The following UNC5D variants were observed in gnomAD, a reference collection of about 807,000 sequenced individuals.
The protein encoded by UNC5D is unc-5 netrin receptor D, also known as netrin receptor UNC5D.
UNC5D carries 39 observed loss-of-function variants against 105.4 expected under a neutral mutation model. The observed-to-expected ratio is 0.37, with a 90% confidence interval of 0.29 to 0.48. The LOEUF (loss-of-function observed/expected upper bound fraction) is 0.48. Among genes scored for constraint, UNC5D ranks in the 20% least tolerant of loss-of-function variants. The pLI, the probability that UNC5D is intolerant of heterozygous loss-of-function variation, is 0.98. For synonymous variants in UNC5D, 452 were observed against 450.4 expected (o/e 1.00, Z -0.04); for missense variants, 991 against 1,202.4 (o/e 0.82, Z 2.60).
chr8:35,632,991 C>T (rs376394849), intron 4 of UNC5D, among the ~76,000 whole-genome samples: 144 of 152,328 alleles, frequency 9.5e-4, no homozygotes, highest in African/African-American at 3.1e-3. Flanking sequence ...CTCCCTCCTA[C>T]AGAAGAGAAG....
chr8:35,704,180 T>G (rs528865583), intron 7 of UNC5D, among the ~76,000 whole-genome samples: 1 of 152,316 alleles, frequency 6.6e-6, no homozygotes, highest in African/African-American at 2.4e-5. Context: ...TACTTTGCCT[T>G]TCTATTTTAA....
intron 1 of UNC5D, among the ~76,000 whole-genome samples, chr8:35,343,487 G>C (rs896963189): frequency 2.0e-5 from 3 of 151,952 alleles, no homozygotes; most frequent in Non-Finnish European, 4.4e-5. Flanking sequence ...ATTGTTTATA[G>C]CTTATCTTTT....
intron 4 of UNC5D, among the ~76,000 whole-genome samples, chr8:35,631,510 A>G (rs564882769): frequency 6.6e-6 from 1 of 152,150 alleles, no homozygotes; most frequent in Non-Finnish European, 1.5e-5. Context: ...TGTTGACCCA[A>G]TTCTCTCAAA....
intron 1 of UNC5D, among the ~76,000 whole-genome samples, chr8:35,450,785 A>G (rs550075017): frequency 2.0e-4 from 31 of 152,242 alleles, no homozygotes; most frequent in African/African-American, 7.2e-4. Context: ...CCATACACCT[A>G]TTCTGTTTCT....
intron 1 of UNC5D, among the ~76,000 whole-genome samples, chr8:35,510,984 C>G (rs1340556083): frequency 6.6e-6 from 1 of 152,122 alleles, no homozygotes; most frequent in Non-Finnish European, 1.5e-5. Flanking sequence ...CATTAATTGG[C>G]CTCCAACTAA....
At chr8:35,717,846 A>G (rs1828342198) in intron 8 of UNC5D, among the ~76,000 whole-genome samples, 1 of 152,208 alleles carries the variant, frequency 6.6e-6, no homozygotes, top group Non-Finnish European at 1.5e-5. Context: ...TTCTCTCCTT[A>G]TAACAACATT....
intron 1 of UNC5D, among the ~76,000 whole-genome samples, chr8:35,352,756 G>A (rs1201367496): frequency 4.6e-5 from 7 of 152,046 alleles, no homozygotes; most frequent in African/African-American, 1.4e-4. Flanking sequence ...GGGACTACAG[G>A]TGCATGCCAC....
chr8:35,258,434 G>C (rs1298602680), intron 1 of UNC5D, among the ~76,000 whole-genome samples: 1 of 152,122 alleles, frequency 6.6e-6, no homozygotes, highest in South Asian at 2.1e-4. Context: ...CAGTGTGGGG[G>C]ATCAGACTAC....
At chr8:35,545,341 A>C (rs1815577080) in intron 1 of UNC5D, among the ~76,000 whole-genome samples, 2 of 152,160 alleles carry the variant, frequency 1.3e-5, no homozygotes, top group Admixed American at 1.3e-4. Context: ...CCTTTTACTG[A>C]AAGAATTGAC....
chr8:35,741,305 G>T (rs940078406), intron 11 of UNC5D, among the ~76,000 whole-genome samples: 20 of 152,128 alleles, frequency 1.3e-4, no homozygotes, highest in Non-Finnish European at 2.8e-4. Context: ...ACTCATTCCA[G>T]TGTGTATATA....
At chr8:35,785,285 A>G (rs964066801) in intron 16 of UNC5D, among the ~76,000 whole-genome samples, 1 of 152,238 alleles carries the variant, frequency 6.6e-6, no homozygotes, top group East Asian at 1.9e-4. Context: ...TCATAAAATC[A>G]TAATGCATTT....
intron 2 of UNC5D, among the ~76,000 whole-genome samples, chr8:35,564,161 T>TA (rs1189863228): frequency 2.0e-5 from 3 of 152,000 alleles, no homozygotes; most frequent in Non-Finnish European, 2.9e-5. Context: ...ATTTTTTTTT[T>TA]AATTTTTTGA....
intron 4 of UNC5D, among the ~76,000 whole-genome samples, chr8:35,633,592 A>G (rs1822179593): frequency 6.6e-6 from 1 of 152,096 alleles, no homozygotes; most frequent in Non-Finnish European, 1.5e-5. Flanking sequence ...TACAAAAAAA[A>G]AATTTTTTTT....
rs147417434 is a variant in UNC5D, at chr8:35,628,218, T to C, written c.570+32561T>C. Among the ~76,000 whole-genome samples the C allele has an allele frequency of 8.5e-3, 1,289 of 152,176 alleles. 17 individuals carry two copies. The highest frequency in any genetic ancestry group is 0.03 in the African/African-American group (1,235 of 41,508). On this transcript the variant is annotated intron_variant, in intron 4 of 16. Coordinates refer to ENST00000404895, the MANE Select transcript of UNC5D (RefSeq NM_080872.4). Reference sequence around the variant, plus strand: ...GCATGATGTCAGTTTACTGCAACCTTCACCTCCCAGGTCCGACTGATTCTC... The same window carrying C: ...GCATGATGTCAGTTTACTGCAACCTCCACCTCCCAGGTCCGACTGATTCTC...
At chr8:35,764,636 A>G (rs1294356811) in intron 14 of UNC5D, among the ~76,000 whole-genome samples, 2 of 152,326 alleles carry the variant, frequency 1.3e-5, no homozygotes, top group African/African-American at 4.8e-5. Flanking sequence ...AGGATCTACC[A>G]CAGGAAGAAA....
chr8:35,654,326 C>T (rs142034163), intron 4 of UNC5D, among the ~76,000 whole-genome samples: 23 of 152,306 alleles, frequency 1.5e-4, no homozygotes, highest in African/African-American at 5.3e-4. Flanking sequence ...GCTCCACTTT[C>T]AACACCAAGA....
intron 1 of UNC5D, among the ~76,000 whole-genome samples, chr8:35,494,033 T>C (rs974958548): frequency 6.6e-6 from 1 of 152,190 alleles, no homozygotes; most frequent in African/African-American, 2.4e-5. Flanking sequence ...TTCTATTTAA[T>C]ACAGTAGATC....
At chr8:35,535,781 C>T (rs1814791431) in intron 1 of UNC5D, among the ~76,000 whole-genome samples, 1 of 152,088 alleles carries the variant, frequency 6.6e-6, no homozygotes. Flanking sequence ...CTTCTCCATC[C>T]ATCCCTTAAT....
chr8:35,379,171 T>C (rs1316410787), intron 1 of UNC5D, among the ~76,000 whole-genome samples: 2 of 152,100 alleles, frequency 1.3e-5, no homozygotes, highest in Non-Finnish European at 2.9e-5. Flanking sequence ...AATCCTCTAC[T>C]TCCACCTGCT....
Sources: gnomAD v4.1 joint callset for allele counts (sites outside exome capture counted in the v4.1 genomes callset) on GRCh38, gnomAD v4.1.1 for gene constraint, MANE v1.5 for transcripts, NCBI Gene and HGNC (gene_info 2026-07-23, HGNC 2026-07-21) for gene names.